Variants in HIRA observed in about 807,000 individuals in gnomAD.
HIRA encodes protein HIRA.
A neutral mutation model predicts 126.6 loss-of-function variants in HIRA; 13 were observed. The observed-to-expected ratio is 0.10, with a 90% confidence interval of 0.07 to 0.16. HIRA has a LOEUF of 0.16. HIRA is among the 10% of genes least tolerant of loss of function. The probability of loss-of-function intolerance (pLI) is 1.00; values close to 1 mark genes in which losing one functional copy is unlikely to be tolerated. For synonymous variants in HIRA, 511 were observed against 520.0 expected (o/e 0.98, Z 0.24); for missense variants, 834 against 1,314.4 (o/e 0.63, Z 5.65).
intron 11 of HIRA, among the ~76,000 whole-genome samples, chr22:19,387,438 TC>T (rs1307502730): frequency 1.6e-4 from 25 of 152,108 alleles, no homozygotes. Flanking sequence ...GGCAAAAACC[TC>T]CCAGTGGATG....
chr22:19,371,682 A>T (rs919442881), intron 15 of HIRA, among the ~76,000 whole-genome samples: 1 of 152,004 alleles, frequency 6.6e-6, no homozygotes, highest in Non-Finnish European at 1.5e-5. Context: ...TTCTTTATGG[A>T]TTTTCCATTC....
At chr22:19,401,919 A>G (rs2089271832) in intron 5 of HIRA, among the ~76,000 whole-genome samples, 1 of 152,118 alleles carries the variant, frequency 6.6e-6, no homozygotes, top group East Asian at 1.9e-4. Context: ...TCTTGCTCAG[A>G]GAAGAGCCTC....
At position 19,419,065 on chromosome 22, in the gene HIRA, G is replaced by A. The variant is rs143662568; in HGVS notation, c.38-8287C>T. On this transcript the variant is annotated intron_variant, in intron 1 of 24. Transcript: ENST00000263208. Reference sequence around the variant, plus strand: ...ATAATAAAAATGATTCTTTTCATGTGCAGGTGACAATATGCACACTCTATA... The same window carrying A: ...ATAATAAAAATGATTCTTTTCATGTACAGGTGACAATATGCACACTCTATA... Among the ~76,000 whole-genome samples, 445 of 152,248 alleles carry A rather than the reference G, an allele frequency of 2.9e-3. 1 individual carries two copies. The highest frequency in any genetic ancestry group is 0.01 in the African/African-American group (429 of 41,528).
chr22:19,343,196 A>T (rs934910580), intron 24 of HIRA, among the ~76,000 whole-genome samples: 3 of 152,158 alleles, frequency 2.0e-5, no homozygotes, highest in Non-Finnish European at 4.4e-5. Flanking sequence ...GAAAAAAAGC[A>T]ACTCATGTAA....
At position 19,396,928 on chromosome 22, in the gene HIRA, T is replaced by G. The variant is rs1569306625; in HGVS notation, c.513A>C (p.Arg171Ser). 6.2e-7 allele frequency: 1 copy of G among 1,614,144 alleles called. No individual in the cohort carries two copies. The highest frequency in any genetic ancestry group is 8.5e-7 in the Non-Finnish European group (1 of 1,179,994). ...VKFPEILATL[R>S]GHSGLVKGLT... The stretch of plus-strand genomic sequence containing the variant: ...ACCCTTTGACCAAGCCAGAATGACC[T>G]CTCAGAGTAGCTAGAATTTCTGTGA... Residue 171 changes from arginine to serine, a missense_variant, in exon 7 of 25, where the codon AGA becomes AGC. By Grantham distance (110) the Arg-to-Ser change is moderately radical (BLOSUM62 -1). This residue lies in a region of HIRA where 53 missense variants were observed against 163.7 expected (regional missense o/e 0.32). Transcript: ENST00000263208.
intron 11 of HIRA, among the ~76,000 whole-genome samples, chr22:19,385,961 G>C (rs1319164633): frequency 6.6e-6 from 1 of 152,170 alleles, no homozygotes; most frequent in African/African-American, 2.4e-5. Flanking sequence ...TGTATCTGTA[G>C]CTGGGATGAC....
Position 19,361,939 on chromosome 22 carries a change from A to G in HIRA, c.1776-8T>C. On this transcript the variant is annotated splice_region_variant and splice_polypyrimidine_tract_variant and intron_variant, in intron 15 of 24. Transcript: ENST00000263208. ...AGGTTCTGCTCTTTTAACCTGCACAAAAACATTACATCACACTTCCCTTCA... is the reference window on the plus strand; with the variant it reads ...AGGTTCTGCTCTTTTAACCTGCACAGAAACATTACATCACACTTCCCTTCA... 6.2e-7 allele frequency: 1 copy of G among 1,613,234 alleles called. No homozygotes were observed. The highest frequency in any genetic ancestry group is 8.5e-7 in the Non-Finnish European group (1 of 1,179,258).
chr22:19,409,623 G>C lies in HIRA; in HGVS notation c.101-1030C>G, dbSNP rs555084116. Among the ~76,000 whole-genome samples the C allele has an allele frequency of 2.6e-5, 4 of 152,232 alleles. No individual in the cohort carries two copies. The South Asian group carries it at 6.2e-4, about 24-fold the overall frequency. Reference sequence around the variant, plus strand: ...AAGCTTTCCATCACTGATATCTAACGAAGTTTAGCCCCTCACTTAATTTTC... The same window carrying C: ...AAGCTTTCCATCACTGATATCTAACCAAGTTTAGCCCCTCACTTAATTTTC... On this transcript the variant is annotated intron_variant, in intron 2 of 24. Coordinates refer to ENST00000263208, the MANE Select transcript of HIRA (RefSeq NM_003325.4).
chr22:19,381,211 T>C (rs181028904), intron 13 of HIRA, among the ~76,000 whole-genome samples: 82 of 152,340 alleles, frequency 5.4e-4, no homozygotes, highest in Non-Finnish European at 8.8e-4. Flanking sequence ...TGGTGCTACC[T>C]GACTTCATGT....
intron 1 of HIRA, among the ~76,000 whole-genome samples, chr22:19,415,639 A>G (rs112673112): frequency 2.6e-4 from 39 of 152,228 alleles, no homozygotes; most frequent in African/African-American, 9.1e-4. Flanking sequence ...AAATACAAAA[A>G]TTGGCCGGAC....
intron 21 of HIRA, among the ~76,000 whole-genome samples, chr22:19,354,752 G>C (rs1291731656): frequency 6.6e-6 from 1 of 151,412 alleles, no homozygotes; most frequent in Admixed American, 6.6e-5. Context: ...TTGCAATTTG[G>C]GGGAGCAGGC....
chr22:19,351,269 A>G lies in HIRA; in HGVS notation c.2937+89T>C. The G allele has an allele frequency of 1.4e-5, 21 of 1,525,546 alleles. No homozygotes were observed. The highest frequency in any genetic ancestry group is 1.8e-5 in the Non-Finnish European group (21 of 1,139,344). The allele number at this position is 1,525,546 out of a possible 1,614,324, so 94.5% of individuals were successfully genotyped here. A position where few individuals can be genotyped will look rare whatever the true frequency, so the allele number is the denominator to read the frequency against. ...GTGCTGGAGAAGTCTAACGGGACAC[A>G]ATTTCAAAGCACTTTGGCTTATTTA... On this transcript the variant is annotated intron_variant, in intron 24 of 24. Transcript: ENST00000263208. This position sits in a 1 kb window ranked among gnomAD's most constrained non-coding sequence, Gnocchi z 4.8.
chr22:19,331,010 C>CATAG lies in HIRA; in HGVS notation c.*426_*429dup. On this transcript the variant is annotated 3_prime_UTR_variant, in exon 25 of 25. Coordinates refer to ENST00000263208, the MANE Select transcript of HIRA (RefSeq NM_003325.4). ...GTGTGTTGGAACAGCTTTCCTTTTACATAGGTCTTAGGTCAGTCTGCTGTA... is the reference window on the plus strand; with the variant it reads ...GTGTGTTGGAACAGCTTTCCTTTTACATAGATAGGTCTTAGGTCAGTCTGCTGTA... 1 of 460,716 alleles carries CATAG rather than the reference C, an allele frequency of 2.2e-6. No homozygotes were observed. The highest frequency in any genetic ancestry group is 3.3e-6 in the Non-Finnish European group (1 of 304,116). The allele number at this position is 460,716 out of a possible 1,614,324, so 28.5% of individuals were successfully genotyped here.
chr22:19,382,016 G>A (rs765756713), intron 13 of HIRA, among the ~76,000 whole-genome samples: 6 of 152,090 alleles, frequency 3.9e-5, no homozygotes, highest in Non-Finnish European at 8.8e-5. Flanking sequence ...TTTGCACAGA[G>A]TTCAGCAAAG....
At chr22:19,414,941 T>A (rs946725454) in intron 1 of HIRA, among the ~76,000 whole-genome samples, 5 of 151,266 alleles carry the variant, frequency 3.3e-5, no homozygotes, top group Admixed American at 6.6e-5. Flanking sequence ...ACAAACTTAT[T>A]TATTTATTTA....
At chr22:19,372,348 G>T (rs1055174082) in intron 15 of HIRA, among the ~76,000 whole-genome samples, 1 of 152,112 alleles carries the variant, frequency 6.6e-6, no homozygotes, top group African/African-American at 2.4e-5. Flanking sequence ...GATGTTGATT[G>T]AATTTTTATG....
chr22:19,414,555 T>C (rs936259195), intron 1 of HIRA, among the ~76,000 whole-genome samples: 4 of 152,202 alleles, frequency 2.6e-5, no homozygotes, highest in Non-Finnish European at 5.9e-5. Context: ...ATATGTCCTT[T>C]TGGAATGAAG....
At chr22:19,332,353 T>G (rs2088499798) in intron 24 of HIRA, among the ~76,000 whole-genome samples, 2 of 152,184 alleles carry the variant, frequency 1.3e-5, no homozygotes, top group African/African-American at 4.8e-5. Context: ...AGAGATGGGA[T>G]AAGCAGGAGA....
At chr22:19,370,043 C>T (rs535802188) in intron 15 of HIRA, among the ~76,000 whole-genome samples, 32 of 152,282 alleles carry the variant, frequency 2.1e-4, no homozygotes, top group East Asian at 9.7e-4. Context: ...GGTACAATCT[C>T]GGCTCACTGC....
Sources: gnomAD v4.1 joint callset for allele counts (sites outside exome capture counted in the v4.1 genomes callset) on GRCh38, gnomAD v4.1.1 for gene constraint, gnomAD v4.1.1 regional missense constraint, Gnocchi (gnomAD v3.1) non-coding constraint, MANE v1.5 for transcripts, NCBI Gene and HGNC (gene_info 2026-07-23, HGNC 2026-07-21) for gene names.